Variants in PDE4D observed in about 807,000 individuals in gnomAD.
PDE4D encodes the protein phosphodiesterase 4D.
In PDE4D, 24 loss-of-function variants were observed where a neutral mutation model predicts 87.4. That is an observed-to-expected ratio of 0.27 (90% CI 0.20 to 0.39). The LOEUF (loss-of-function observed/expected upper bound fraction) is 0.39, where lower values mean the gene tolerates loss of function less well. Among genes scored for constraint, PDE4D ranks in the 10% least tolerant of loss-of-function variants. PDE4D has a pLI of 1.00. For synonymous variants in PDE4D, 384 were observed against 383.2 expected, an observed-to-expected ratio of 1.00 and a Z score of -0.02; for missense variants, 714 against 1,041.0, an observed-to-expected ratio of 0.69 and a Z score of 4.32.
chr5:59,386,573 T>C (rs1787055561), intron 1 of PDE4D, among the ~76,000 whole-genome samples: 1 of 151,542 alleles, frequency 6.6e-6, no homozygotes, highest in African/African-American at 2.4e-5. Context: ...CCAGGATTTC[T>C]GGGAGGCTGA....
chr5:59,008,825 C>A (rs1752194230), intron 6 of PDE4D, among the ~76,000 whole-genome samples: 1 of 151,896 alleles, frequency 6.6e-6, no homozygotes, highest in Non-Finnish European at 1.5e-5. Context: ...AAATGCATAT[C>A]AAATAAAGGA....
intron 1 of PDE4D, among the ~76,000 whole-genome samples, chr5:59,784,239 CT>C (rs34497367): frequency 1.3e-3 from 179 of 140,000 alleles, no homozygotes; most frequent in East Asian, 3.9e-3. Context: ...AAGTAACTTC[CT>C]TTTTTTTTTT....
chr5:59,143,833 G>T (rs1015786025), intron 5 of PDE4D, among the ~76,000 whole-genome samples: 3 of 152,164 alleles, frequency 2.0e-5, no homozygotes, highest in African/African-American at 7.2e-5. Flanking sequence ...TCTAGACCTA[G>T]AACTTGGAAC....
intron 6 of PDE4D, among the ~76,000 whole-genome samples, chr5:58,997,392 T>C (rs1229348534): frequency 6.6e-6 from 1 of 152,070 alleles, no homozygotes; most frequent in Non-Finnish European, 1.5e-5. Flanking sequence ...TTATATAATA[T>C]TTACTAAGAT....
intron 1 of PDE4D, among the ~76,000 whole-genome samples, chr5:60,401,589 G>A (rs530981665): frequency 1.1e-3 from 165 of 152,288 alleles, no homozygotes; most frequent in African/African-American, 3.6e-3. Context: ...GTGATCACAC[G>A]TCAGTGATCC....
At chr5:59,785,619 G>A (rs1421101319) in intron 1 of PDE4D, among the ~76,000 whole-genome samples, 1 of 152,230 alleles carries the variant, frequency 6.6e-6, no homozygotes, top group African/African-American at 2.4e-5. Flanking sequence ...TTAGTGGACA[G>A]ACAGGTGGCT....
chr5:59,079,820 GA>G (rs1356034202), intron 5 of PDE4D, among the ~76,000 whole-genome samples: 2 of 138,576 alleles, frequency 1.4e-5, no homozygotes. Context: ...CAGTGTCAAG[GA>G]AAGGAAAGGA....
chr5:59,218,414 C>A (rs1751736085), intron 1 of PDE4D, among the ~76,000 whole-genome samples: 1 of 152,124 alleles, frequency 6.6e-6, no homozygotes, highest in Admixed American at 6.5e-5. Flanking sequence ...TAACACTCCA[C>A]TATAAGTTTT....
chr5:59,589,831 T>A (rs998935545), intron 1 of PDE4D, among the ~76,000 whole-genome samples: 17 of 152,190 alleles, frequency 1.1e-4, no homozygotes, highest in African/African-American at 2.9e-4. Flanking sequence ...ATACTTAAAC[T>A]AAGAGGACAT....
At position 59,441,506 on chromosome 5, in the gene PDE4D, T is replaced by A. The variant is rs534978654; in HGVS notation, c.456-225538A>T. On this transcript the variant is annotated intron_variant, in intron 1 of 14. Coordinates refer to ENST00000340635, the MANE Select transcript of PDE4D (RefSeq NM_001104631.2). ...TCTTTTGGCAGTTCCGAAGACATCA[T>A]GATTCCCAGATGCTTCACCATCCTG... Among the ~76,000 whole-genome samples, 3 of 152,326 alleles carry A rather than the reference T, an allele frequency of 2.0e-5. No individual in the cohort carries two copies. In the South Asian group the frequency reaches 6.2e-4, roughly 32 times the overall value.
chr5:60,467,023 TTTTTATTTTA>T (rs151080999), intron 1 of PDE4D, among the ~76,000 whole-genome samples: 256 of 151,932 alleles, frequency 1.7e-3, no homozygotes, highest in African/African-American at 5.7e-3. Flanking sequence ...TTTAAATATT[TTTTTATTTTA>T]TTTTATTTTA....
chr5:60,493,965 A>G (rs946026931), intron 1 of PDE4D, among the ~76,000 whole-genome samples: 1 of 152,058 alleles, frequency 6.6e-6, no homozygotes, highest in Non-Finnish European at 1.5e-5. Context: ...TCAGTTTAAC[A>G]AAAAAAATGC....
chr5:59,697,867 A>T (rs1429467305), intron 1 of PDE4D, among the ~76,000 whole-genome samples: 1 of 152,176 alleles, frequency 6.6e-6, no homozygotes. Context: ...GTCCCAATGG[A>T]TCTAGCCCTT....
At chr5:59,734,201 AT>A (rs921049047) in intron 1 of PDE4D, among the ~76,000 whole-genome samples, 43 of 149,898 alleles carry the variant, frequency 2.9e-4, no homozygotes, top group African/African-American at 7.6e-4. Flanking sequence ...TAAAGCATTC[AT>A]TTTTTTTTTC....
chr5:60,475,854 C>T (rs1353072158), intron 1 of PDE4D, among the ~76,000 whole-genome samples: 1 of 144,032 alleles, frequency 6.9e-6, no homozygotes, highest in Non-Finnish European at 1.5e-5. Flanking sequence ...ACAATTACCA[C>T]CCGCATCACA....
chr5:60,041,421 C>A (rs1325173027), intron 2 of PDE4D, among the ~76,000 whole-genome samples: 2 of 152,140 alleles, frequency 1.3e-5, no homozygotes, highest in Non-Finnish European at 2.9e-5. Flanking sequence ...CTCTTTTGTG[C>A]CCTGGCAGGA....
chr5:59,518,156 C>A (rs999666023), intron 1 of PDE4D, among the ~76,000 whole-genome samples: 1 of 151,160 alleles, frequency 6.6e-6, no homozygotes, highest in Non-Finnish European at 1.5e-5. Flanking sequence ...ATTTATCCTA[C>A]CAGATTGAAT....
At position 60,005,261 on chromosome 5, in the gene PDE4D, T is replaced by C. The variant is rs562766620; in HGVS notation, c.43-16544A>G. ...GTGTAATCTAACATAGTTGAACTCA[T>C]AGGAACAGAGAGTAGAATGGTGGTT... On this transcript the variant is annotated intron_variant, in intron 2 of 16. Transcript: ENST00000502484. 3.9e-4 allele frequency among the ~76,000 whole-genome samples: 60 copies of C among 152,080 alleles called. 1 individual carries two copies. Among genetic ancestry groups the C allele is most frequent in the Non-Finnish European group, 2.9e-4 (20 of 67,978 alleles).
intron 6 of PDE4D, among the ~76,000 whole-genome samples, chr5:59,018,066 G>A (rs1017555555): frequency 6.6e-6 from 1 of 152,198 alleles, no homozygotes; most frequent in Non-Finnish European, 1.5e-5. Context: ...TAAGGTTGGT[G>A]ATCCAGCAGT....
Sources: allele counts gnomAD v4.1 joint callset (sites outside exome capture counted in the v4.1 genomes callset), GRCh38; gene constraint gnomAD v4.1.1; transcripts MANE v1.5; gene names NCBI Gene and HGNC (gene_info 2026-07-23, HGNC 2026-07-21).